The following SHANK1 variants were observed in gnomAD, a reference collection of about 807,000 sequenced individuals.
The protein encoded by SHANK1 is SH3 and multiple ankyrin repeat domains protein 1.
A neutral mutation model predicts 165.6 loss-of-function variants in SHANK1; 35 were observed. The ratio of observed to expected loss-of-function variants is 0.21; its 90% CI spans 0.16 to 0.28. The LOEUF (loss-of-function observed/expected upper bound fraction) is 0.28. Ranked by LOEUF, SHANK1 falls within the 10% of genes least tolerant of loss-of-function variation. The pLI is 1.00. For synonymous variants in SHANK1, 1,428 were observed against 1,384.8 expected, an observed-to-expected ratio of 1.03 and a Z score of -0.69; for missense variants, 2,681 against 3,036.4, an observed-to-expected ratio of 0.88 and a Z score of 2.75.
chr19:50,668,550 G>C lies in SHANK1; in HGVS notation c.3410C>G (p.Ser1137Cys). 1 of 1,353,562 alleles carries C rather than the reference G, an allele frequency of 7.4e-7. No homozygotes were observed. The highest frequency in any genetic ancestry group is 9.5e-7 in the Non-Finnish European group (1 of 1,053,728). The allele number at this position is 1,353,562 out of a possible 1,614,324, so 83.8% of individuals were successfully genotyped here. ...PPAPSPTSPA[S>C]PQPPPAVAAP... ...GGCCACGGCGGGCGGCGGCTGCGGG[G>C]AGGCCGGGGACGTGGGCGACGGCGC... is the stretch of plus-strand genomic sequence containing the variant. The change falls in exon 23 of 24, where the codon TCC becomes TGC. Residue 1137 changes from serine (S) to cysteine (C), a missense_variant. Physicochemically the swap from Ser to Cys is moderately radical, Grantham distance 112. Coordinates refer to ENST00000293441, the MANE Select transcript of SHANK1 (RefSeq NM_016148.5).
At chr19:50,679,252 G>T (rs1459411264) in intron 21 of SHANK1, among the ~76,000 whole-genome samples, 1 of 150,890 alleles carries the variant, frequency 6.6e-6, no homozygotes, top group Non-Finnish European at 1.5e-5. Flanking sequence ...GCTTAGAGTG[G>T]CAGGGAACTG....
intron 15 of SHANK1, among the ~76,000 whole-genome samples, chr19:50,696,343 G>A (rs566408464): frequency 1.4e-4 from 22 of 152,214 alleles, no homozygotes; most frequent in African/African-American, 5.1e-4. Context: ...ACGGTCAAGC[G>A]CCTCAGACAC....
rs1298555968 is a variant in SHANK1, at chr19:50,687,566, A to T, written c.2389+16T>A. ...CTCCCCCCGGCCCCCTGGCCTCAGC[A>T]GCCCCGCAGGCTCACCCATCTCCTC... On this transcript the variant is annotated intron_variant, in intron 19 of 23. Transcript: ENST00000293441. 1 of 1,544,380 alleles carries T rather than the reference A, an allele frequency of 6.5e-7. No individual in the cohort carries two copies. The highest frequency in any genetic ancestry group is 2.5e-5 in the East Asian group (1 of 40,478).
In SHANK1 at chr19:50,686,989, C is replaced by T. The variant is rs958416487; in HGVS notation, c.2390-177G>A. 8.4e-6 allele frequency: 12 copies of T among 1,426,984 alleles called. No homozygotes were observed. The highest frequency in any genetic ancestry group is 3.2e-5 in the Admixed American group (1 of 31,226). 88.4% of individuals were successfully genotyped at this position (1,426,984 alleles called of 1,614,324 possible). A position where few individuals can be genotyped will look rare whatever the true frequency, so the allele number is the denominator to read the frequency against. ...CGCCGGCGGGGTCGGGAGACGGGGG[C>T]CCTCCCGCCAGTCCTGTGCCCACTC... is the stretch of plus-strand genomic sequence containing the variant. On this transcript the variant is annotated intron_variant, in intron 19 of 23. Coordinates refer to ENST00000293441, the MANE Select transcript of SHANK1 (RefSeq NM_016148.5). This position sits in a 1 kb window ranked among gnomAD's most constrained non-coding sequence, Gnocchi z 5.7.
At position 50,667,055 on chromosome 19, in the gene SHANK1, G is replaced by A; in HGVS notation, c.4905C>T (p.Thr1635=). ...TSYDSEVATL[T]QGASAAPGDP... Reference sequence around the variant, plus strand: ...CCCCAGGAGCGGCGGAGGCCCCCTGGGTCAGGGTGGCCACCTCGCTGTCAT... The same window carrying A: ...CCCCAGGAGCGGCGGAGGCCCCCTGAGTCAGGGTGGCCACCTCGCTGTCAT... The change falls in exon 23 of 24, where the codon ACC becomes ACT. Residue 1635 remains threonine, a synonymous_variant. Coordinates refer to ENST00000293441, the MANE Select transcript of SHANK1 (RefSeq NM_016148.5). The surrounding 1 kb of genome is among the most constrained non-coding windows in gnomAD (Gnocchi z 5.7). The A allele has an allele frequency of 6.4e-7, 1 of 1,551,342 alleles. No individual in the cohort carries two copies. Among genetic ancestry groups the A allele is most frequent in the Non-Finnish European group, 8.7e-7 (1 of 1,152,902 alleles).
chr19:50,709,411 A>G (rs1405089367), intron 8 of SHANK1, among the ~76,000 whole-genome samples: 7 of 152,060 alleles, frequency 4.6e-5, no homozygotes, highest in East Asian at 3.9e-4. Flanking sequence ...AAAGTGCTGG[A>G]ATTACAGGCG....
chr19:50,697,996 C>CTA lies in SHANK1; in HGVS notation c.1748-41_1748-40insTA. On this transcript the variant is annotated intron_variant, in intron 12 of 23. Coordinates refer to ENST00000293441, the MANE Select transcript of SHANK1 (RefSeq NM_016148.5). This position sits in a 1 kb window ranked among gnomAD's most constrained non-coding sequence, Gnocchi z 4.7. ...GGGACATAGAGACATTTCTGTGTTT[C>CTA]TGTGCTGCCCCTCAACTGCCAACAC... The CTA allele has an allele frequency of 7.0e-7, 1 of 1,427,014 alleles. No homozygotes were observed. Among genetic ancestry groups the CTA allele is most frequent in the Non-Finnish European group, 9.8e-7 (1 of 1,020,784 alleles). 88.4% of individuals were successfully genotyped at this position (1,427,014 alleles called of 1,614,324 possible). A position where few individuals can be genotyped will look rare whatever the true frequency, so the allele number is the denominator to read the frequency against.
chr19:50,680,948 G>T (rs1291469325), intron 21 of SHANK1, among the ~76,000 whole-genome samples: 1 of 152,062 alleles, frequency 6.6e-6, no homozygotes, highest in African/African-American at 2.4e-5. Flanking sequence ...GAGCCACCAC[G>T]CCTGGCTGAT....
At position 50,714,186 on chromosome 19, in the gene SHANK1, C is replaced by T. The variant is rs759830814; in HGVS notation, c.636G>A (p.Ser212=). The change falls in exon 5 of 24, where the codon TCG becomes TCA. Residue 212 remains serine (S), a synonymous_variant. Transcript: ENST00000293441. ...CTGATGCGCACCCCTCCCTACCTCCCGAATCCGAGTCATGGTAATTGGGGT... is the reference window on the plus strand; with the variant it reads ...CTGATGCGCACCCCTCCCTACCTCCTGAATCCGAGTCATGGTAATTGGGGT... The part of the protein sequence containing the change: ...GLDPNYHDSD[S]GETPLTLAAQ... 9.9e-6 allele frequency: 16 copies of T among 1,613,922 alleles called. No homozygotes were observed. The highest frequency in any genetic ancestry group is 5.5e-5 in the South Asian group (5 of 91,074).
At chr19:50,663,699 G>A (rs1985361020) in intron 23 of SHANK1, among the ~76,000 whole-genome samples, 2 of 150,362 alleles carry the variant, frequency 1.3e-5, no homozygotes, top group African/African-American at 4.9e-5. Context: ...TAATGCAATT[G>A]TTGACTGAAT....
rs866784027 is a variant in SHANK1, at chr19:50,718,481, C to G, written c.-44+925G>C. On this transcript the variant is annotated intron_variant, in intron 1 of 23. Transcript: ENST00000293441. The surrounding 1 kb of genome is among the most constrained non-coding windows in gnomAD (Gnocchi z 5.1). ...CCCCCGCGCGTACGGCTGCCCCAGC[C>G]CCCCCGGGCCGGCTCCGGCCCCTCC... is the stretch of plus-strand genomic sequence containing the variant. Among the ~76,000 whole-genome samples, 12 of 152,062 alleles carry G rather than the reference C, an allele frequency of 7.9e-5. No homozygotes were observed. The highest frequency in any genetic ancestry group is 2.1e-4 in the South Asian group (1 of 4,826).
chr19:50,663,940 CT>C (rs3087079), intron 23 of SHANK1, among the ~76,000 whole-genome samples: 1,165 of 108,882 alleles, frequency 0.011, 29 homozygotes, highest in East Asian at 0.054. Flanking sequence ...CTCTCTCTCT[CT>C]TTTTTTTTTT....
Position 50,659,428 on chromosome 19 carries a change from G to T in SHANK1, c.*2537C>A. On this transcript the variant is annotated 3_prime_UTR_variant, in exon 24 of 24. Transcript: ENST00000293441. ...CTTCCTCCAGTCCCTGTACGTGGAC[G>T]CCTGGGTCCCAATCCCTTGAGGGAT... 1 of 265,756 alleles carries T rather than the reference G, an allele frequency of 3.8e-6. No individual in the cohort carries two copies. The highest frequency in any genetic ancestry group is 7.0e-6 in the Non-Finnish European group (1 of 142,302). The allele number at this position is 265,756 out of a possible 1,614,324, so 16.5% of individuals were successfully genotyped here.
At position 50,697,083 on chromosome 19, in the gene SHANK1, C is replaced by T; in HGVS notation, c.1964+13G>A. On this transcript the variant is annotated intron_variant, in intron 15 of 23. Transcript: ENST00000293441. The surrounding 1 kb of genome is among the most constrained non-coding windows in gnomAD (Gnocchi z 4.7). Reference sequence around the variant, plus strand: ...CTCCTGACCCCATCCCCTCCCTGCCCCTCGCCTCTCACCTCCCTGGGCCAA... The same window carrying T: ...CTCCTGACCCCATCCCCTCCCTGCCTCTCGCCTCTCACCTCCCTGGGCCAA... 1 of 1,612,320 alleles carries T rather than the reference C, an allele frequency of 6.2e-7. No homozygotes were observed. Among genetic ancestry groups the T allele is most frequent in the Non-Finnish European group, 8.5e-7 (1 of 1,178,672 alleles).
In SHANK1 at chr19:50,687,959, T is replaced by C. The variant is rs1490232705; in HGVS notation, c.2272A>G (p.Arg758Gly). Residue 758 changes from arginine (R) to glycine (G), a missense_variant, in exon 18 of 24, where the codon AGG (arginine) becomes GGG (glycine). Arg to Gly is a moderately radical substitution (Grantham distance 125). Transcript: ENST00000293441. ...TLMVKVVMVTRHPDMDEAVHK... is the reference protein window; with the variant it reads ...TLMVKVVMVTGHPDMDEAVHK... Reference sequence around the variant, plus strand: ...ACTGCCTCATCCATGTCCGGGTGCCTGGTGACCATCACCACCTTCACCATC... The same window carrying C: ...ACTGCCTCATCCATGTCCGGGTGCCCGGTGACCATCACCACCTTCACCATC... 2.5e-6 allele frequency: 4 copies of C among 1,613,972 alleles called. No individual in the cohort carries two copies. The highest frequency in any genetic ancestry group is 3.4e-6 in the Non-Finnish European group (4 of 1,179,974).
rs1985613875 is a variant in SHANK1 at position 50,667,957 on chromosome 19, G to A, written c.4003C>T (p.Pro1335Ser). Residue 1335 changes from proline to serine, a missense_variant, in exon 23 of 24, where the codon CCG becomes TCG. Transcript: ENST00000293441. The surrounding 1 kb of genome is among the most constrained non-coding windows in gnomAD (Gnocchi z 5.7). ...GTCAGCGGGTGCACCAGGGGTCGCGGGGGCAGGAAGCTGGTGAAGGCGCTG... is the reference window on the plus strand; with the variant it reads ...GTCAGCGGGTGCACCAGGGGTCGCGAGGGCAGGAAGCTGGTGAAGGCGCTG... ...GSSAFTSFLP[P>S]RPLVHPLTGK... 9.3e-6 allele frequency: 13 copies of A among 1,402,200 alleles called. No individual in the cohort carries two copies. Among genetic ancestry groups the A allele is most frequent in the East Asian group, 3.1e-5 (1 of 32,570 alleles). 86.9% of individuals were successfully genotyped at this position (1,402,200 alleles called of 1,614,324 possible).
chr19:50,714,851 T>G (rs2089052366), intron 4 of SHANK1, among the ~76,000 whole-genome samples: 1 of 152,132 alleles, frequency 6.6e-6, no homozygotes. Context: ...TAACTTTTTT[T>G]TGGTACTAAG....
Position 50,713,682 on chromosome 19 carries a change from TG to T in SHANK1, c.792+115del. On this transcript the variant is annotated intron_variant, in intron 6 of 23. Transcript: ENST00000293441. This position sits in a 1 kb window ranked among gnomAD's most constrained non-coding sequence, Gnocchi z 6.2. ...CAGTCTATGGAAAGGGGCTTTGAAC[TG>T]GGGACATGAGAGGGCCTATTTTTAA... 7.5e-7 allele frequency: 1 copy of T among 1,340,280 alleles called. No homozygotes were observed. The allele number at this position is 1,340,280 out of a possible 1,614,324, so 83.0% of individuals were successfully genotyped here.
rs1025680962 is a variant in SHANK1 at position 50,702,959 on chromosome 19, C to T, written c.1554-299G>A. 3.3e-5 allele frequency among the ~76,000 whole-genome samples: 5 copies of T among 152,142 alleles called. No individual in the cohort carries two copies. Among genetic ancestry groups the T allele is most frequent in the African/African-American group, 7.2e-5 (3 of 41,430 alleles). ...TGGGACTGTGTCATCCCTCCGCTCA[C>T]GAGCCTTCCGCGACTCCCAGCTTCC... On this transcript the variant is annotated intron_variant, in intron 11 of 23. Transcript: ENST00000293441. The surrounding 1 kb of genome is among the most constrained non-coding windows in gnomAD (Gnocchi z 5.3).
Sources: gnomAD v4.1 joint callset for allele counts (sites outside exome capture counted in the v4.1 genomes callset) on GRCh38, gnomAD v4.1.1 for gene constraint, Gnocchi (gnomAD v3.1) non-coding constraint, MANE v1.5 for transcripts, NCBI Gene and HGNC (gene_info 2026-07-23, HGNC 2026-07-21) for gene names.